Variants in ADARB2 observed in about 807,000 individuals in gnomAD.
The protein encoded by ADARB2 is inactive double-stranded RNA-specific editase B2.
Under a neutral mutation model 62.2 loss-of-function variants are expected in ADARB2, and 25 were observed. The observed-to-expected ratio is 0.40, with a 90% CI of 0.29 to 0.56. The LOEUF (loss-of-function observed/expected upper bound fraction) is 0.56. Among genes scored for constraint, ADARB2 ranks in the 20% least tolerant of loss-of-function variants. The probability of loss-of-function intolerance (pLI) is 0.43; values close to 1 mark genes in which losing one functional copy is unlikely to be tolerated. For synonymous variants in ADARB2, 572 were observed against 500.8 expected (o/e 1.14, Z -1.90); for missense variants, 1,071 against 1,077.4 (o/e 0.99, Z 0.08).
In ADARB2 at chr10:1,183,013, C is replaced by T; in HGVS notation, c.*180G>A. On this transcript the variant is annotated 3_prime_UTR_variant, in exon 10 of 10. Transcript: ENST00000381312. The stretch of plus-strand genomic sequence containing the variant: ...GGGACAGGGTTCTGGGGCCAGCGAT[C>T]TGGAAAGAGGCACGTTCTGAATTTG... 1.4e-6 allele frequency: 1 copy of T among 711,712 alleles called. No individual in the cohort carries two copies. Among genetic ancestry groups the T allele is most frequent in the Non-Finnish European group, 2.3e-6 (1 of 439,634 alleles). 44.1% of individuals were successfully genotyped at this position (711,712 alleles called of 1,614,324 possible). A position where few individuals can be genotyped will look rare whatever the true frequency, so the allele number is the denominator to read the frequency against.
intron 1 of ADARB2, among the ~76,000 whole-genome samples, chr10:1,604,614 T>G (rs962487528): frequency 6.6e-6 from 1 of 152,214 alleles, no homozygotes; most frequent in Non-Finnish European, 1.5e-5. Flanking sequence ...GAGCCTGGTT[T>G]TGTAGTGTTT....
chr10:1,611,151 TCC>T (rs1364479905), intron 1 of ADARB2, among the ~76,000 whole-genome samples: 1 of 152,122 alleles, frequency 6.6e-6, no homozygotes. Flanking sequence ...GACCCGGCTT[TCC>T]CCAGAAAGGC....
chr10:1,703,735 A>G (rs1483667409), intron 1 of ADARB2, among the ~76,000 whole-genome samples: 2 of 152,188 alleles, frequency 1.3e-5, no homozygotes, highest in Admixed American at 6.5e-5. Flanking sequence ...AGAGAACCCA[A>G]TGGTCATTGT....
intron 6 of ADARB2, among the ~76,000 whole-genome samples, chr10:1,222,867 T>C (rs1470729781): frequency 6.6e-6 from 1 of 151,172 alleles, no homozygotes; most frequent in Non-Finnish European, 1.5e-5. Context: ...CCAGCTTTGT[T>C]CTTTTGGCTT....
chr10:1,226,563 G>A (rs1589157556), intron 6 of ADARB2, among the ~76,000 whole-genome samples: 1 of 152,192 alleles, frequency 6.6e-6, no homozygotes, highest in African/African-American at 2.4e-5. Context: ...GGTCTTTGAT[G>A]ATGGTGATGT....
chr10:1,438,814 T>TCTCC (rs1830866637), intron 1 of ADARB2, among the ~76,000 whole-genome samples: 3 of 142,250 alleles, frequency 2.1e-5, no homozygotes, highest in Non-Finnish European at 3.1e-5. Context: ...CTCCTGAGTC[T>TCTCC]CCTCAGCAGA....
chr10:1,495,275 A>G (rs1170270873), intron 1 of ADARB2, among the ~76,000 whole-genome samples: 1 of 152,254 alleles, frequency 6.6e-6, no homozygotes, highest in African/African-American at 2.4e-5. Context: ...TAGAAGATTC[A>G]TGCTGGAGGA....
chr10:1,195,616 TC>T (rs746379209), intron 8 of ADARB2, among the ~76,000 whole-genome samples: 36 of 152,050 alleles, frequency 2.4e-4, no homozygotes, highest in Non-Finnish European at 4.6e-4. Context: ...GAGAGGCTGA[TC>T]CTGGTTCAGA....
chr10:1,665,913 G>T (rs753200422), intron 1 of ADARB2, among the ~76,000 whole-genome samples: 6 of 152,206 alleles, frequency 3.9e-5, no homozygotes, highest in African/African-American at 1.2e-4. Flanking sequence ...GCACGGGGGC[G>T]TCAGAGGACG....
At position 1,681,496 on chromosome 10, in the gene ADARB2, A is replaced by AC. The variant is rs1322046242; in HGVS notation, c.100+55554dup. Among the ~76,000 whole-genome samples, 894 of 151,540 alleles carry AC rather than the reference A, an allele frequency of 5.9e-3. 6 individuals are homozygous for AC. The highest frequency in any genetic ancestry group is 8.0e-3 in the Non-Finnish European group (544 of 67,868). ...AGCTTAAAAAATATTAAAAAAAAAA[A>AC]CCCTAAACCAGGAATTAGGCCACCT... is the stretch of plus-strand genomic sequence containing the variant. On this transcript the variant is annotated intron_variant, in intron 1 of 9. Coordinates refer to ENST00000381312, the MANE Select transcript of ADARB2 (RefSeq NM_018702.4).
At chr10:1,302,344 G>A (rs200389664) in intron 3 of ADARB2, among the ~76,000 whole-genome samples, 1 of 149,866 alleles carries the variant, frequency 6.7e-6, no homozygotes, top group Non-Finnish European at 1.5e-5. Flanking sequence ...GGCGCACCAC[G>A]AGATTATATC....
intron 1 of ADARB2, among the ~76,000 whole-genome samples, chr10:1,653,252 C>T (rs1417251272): frequency 6.6e-6 from 1 of 152,194 alleles, no homozygotes; most frequent in African/African-American, 2.4e-5. Flanking sequence ...CGCTGGCTTG[C>T]CTGGGGTCCC....
At chr10:1,327,088 T>TGCCCAGCGCCTCCC (rs1831865413) in intron 3 of ADARB2, among the ~76,000 whole-genome samples, 4 of 32,052 alleles carry the variant, frequency 1.2e-4, no homozygotes, top group Admixed American at 5.8e-4. Context: ...CAGCGCCTCC[T>TGCCCAGCGCCTCCC]CACTGCACAG....
At chr10:1,430,605 C>T (rs184638922) in intron 1 of ADARB2, among the ~76,000 whole-genome samples, 15 of 152,048 alleles carry the variant, frequency 9.9e-5, no homozygotes, top group African/African-American at 1.2e-4. Context: ...CCAGGTGTGG[C>T]GGCATGCATC....
chr10:1,229,947 C>T (rs1275233332), intron 6 of ADARB2, among the ~76,000 whole-genome samples: 1 of 152,148 alleles, frequency 6.6e-6, no homozygotes, highest in Non-Finnish European at 1.5e-5. Flanking sequence ...TGGAGATGCA[C>T]AATCGCTCGA....
At chr10:1,512,779 T>TA (rs1266992014) in intron 1 of ADARB2, among the ~76,000 whole-genome samples, 1 of 152,238 alleles carries the variant, frequency 6.6e-6, no homozygotes, top group Non-Finnish European at 1.5e-5. Flanking sequence ...CAGGTGCTCT[T>TA]ACGTGTCCCA....
At chr10:1,615,200 C>A (rs1340117786) in intron 1 of ADARB2, among the ~76,000 whole-genome samples, 1 of 152,222 alleles carries the variant, frequency 6.6e-6, no homozygotes, top group Non-Finnish European at 1.5e-5. Context: ...TCAGCAGGTG[C>A]ACTGCTTAGT....
intron 1 of ADARB2, among the ~76,000 whole-genome samples, chr10:1,666,720 C>A (rs1024380914): frequency 2.0e-5 from 3 of 152,120 alleles, no homozygotes; most frequent in Admixed American, 2.0e-4. Flanking sequence ...ACTGGAAATG[C>A]GGGAACCCAC....
At chr10:1,243,292 A>T (rs1830945221) in intron 4 of ADARB2, among the ~76,000 whole-genome samples, 1 of 152,246 alleles carries the variant, frequency 6.6e-6, no homozygotes, top group Admixed American at 6.5e-5. Context: ...TTAGCCGCTG[A>T]CCGCGGCCAC....
Sources: gnomAD v4.1 joint callset for allele counts (sites outside exome capture counted in the v4.1 genomes callset) on GRCh38, gnomAD v4.1.1 for gene constraint, MANE v1.5 for transcripts, NCBI Gene and HGNC (gene_info 2026-07-23, HGNC 2026-07-21) for gene names.